The following CNGA1 variants were observed in gnomAD, a reference collection of about 807,000 sequenced individuals.
CNGA1 encodes cyclic nucleotide-gated channel alpha-1.
CNGA1 carries 53 observed loss-of-function variants against 69.7 expected under a neutral mutation model. The ratio of observed to expected loss-of-function variants is 0.76; its 90% CI spans 0.61 to 0.96. CNGA1 has a LOEUF of 0.96. Ranked by LOEUF, CNGA1 falls within the 40% of genes least tolerant of loss-of-function variation. The pLI, the probability that CNGA1 is intolerant of heterozygous loss-of-function variation, is 0.00. For synonymous variants in CNGA1, 249 were observed against 283.5 expected (o/e 0.88, Z 1.22); for missense variants, 739 against 811.2 (o/e 0.91, Z 1.08).
chr4:47,971,152 ATG>A (rs1257814115), intron 3 of CNGA1: 1 of 441,934 alleles, frequency 2.3e-6, no homozygotes. Flanking sequence ...ATACATATAT[ATG>A]TAAATATCTA....
At chr4:47,989,098 T>C (rs759316780) in intron 2 of CNGA1, among the ~76,000 whole-genome samples, 1 of 152,184 alleles carries the variant, frequency 6.6e-6, no homozygotes, top group Non-Finnish European at 1.5e-5. Context: ...TAGACAAACT[T>C]TGGTTAAAAT....
intron 3 of CNGA1, among the ~76,000 whole-genome samples, chr4:47,969,666 C>A (rs1031328806): frequency 2.0e-5 from 3 of 152,144 alleles, no homozygotes; most frequent in Non-Finnish European, 4.4e-5. Flanking sequence ...GACAGGGTTT[C>A]ACCGTGTTGG....
Position 47,936,525 on chromosome 4 carries a change from G to A in CNGA1, c.1957C>T (p.Gln653Ter), listed in dbSNP as rs770967964. 2.3e-5 allele frequency: 37 copies of A among 1,613,996 alleles called. No individual in the cohort carries two copies. Among genetic ancestry groups the A allele is most frequent in the Non-Finnish European group, 3.0e-5 (35 of 1,180,000 alleles). ...AATTTCTCAACCTTGGTTAATCTTT[G>A]TTTCAGTTTCTGCTGCATGGACTCA... The part of the protein sequence containing the change: ...EYESMQQKLK[Q>*]RLTKVEKFLK... Residue 653 changes from glutamine to a stop codon, truncating the protein, a stop_gained, in exon 11 of 11, where the codon CAA (glutamine) becomes TAA (stop). Transcript: ENST00000514170. LOFTEE classifies it high-confidence loss of function.
intron 3 of CNGA1, among the ~76,000 whole-genome samples, chr4:47,971,763 A>G (rs1324031784): frequency 1.3e-5 from 2 of 152,118 alleles, no homozygotes; most frequent in African/African-American, 4.8e-5. Context: ...GCATGGTGGC[A>G]TGCGCCTGTA....
At chr4:47,995,720 TG>T (rs1355859955) in intron 2 of CNGA1, among the ~76,000 whole-genome samples, 8 of 152,214 alleles carry the variant, frequency 5.3e-5, no homozygotes, top group Admixed American at 2.0e-4. Context: ...TAAAGAACAT[TG>T]TTTTTTTATA....
chr4:47,975,860 T>C (rs1741321358), intron 3 of CNGA1, among the ~76,000 whole-genome samples: 1 of 152,006 alleles, frequency 6.6e-6, no homozygotes, highest in African/African-American at 2.4e-5. Context: ...TGTGTTATCC[T>C]TCCCACTTCT....
chr4:47,987,494 A>G (rs772438765), intron 2 of CNGA1, among the ~76,000 whole-genome samples: 35 of 152,164 alleles, frequency 2.3e-4, no homozygotes, highest in Non-Finnish European at 1.5e-4. Flanking sequence ...TTACTTGTCC[A>G]TTACCGTATC....
At chr4:47,998,441 T>C (rs114597664) in intron 2 of CNGA1, among the ~76,000 whole-genome samples, 2,076 of 152,312 alleles carry the variant, frequency 0.014, 28 homozygotes, top group Non-Finnish European at 0.019. Context: ...AGTTACTACC[T>C]GTAGACTGGA....
chr4:47,971,195 TG>T, intron 3 of CNGA1: 1 of 369,632 alleles, frequency 2.7e-6, no homozygotes, highest in South Asian at 2.1e-5. Context: ...TGTGTGTGTG[TG>T]TGCTGTGCGT....
At chr4:47,973,066 C>CTT (rs3058684) in intron 3 of CNGA1, among the ~76,000 whole-genome samples, 36,470 of 120,158 alleles carry the variant, frequency 0.3, 7,693 homozygotes, top group East Asian at 0.63. Flanking sequence ...AAAGCACCAT[C>CTT]TTTTTTTTTT....
At chr4:47,943,549 G>A in intron 6 of CNGA1, 137 bp from the exon 7 acceptor site, 1 of 544,656 alleles carries the variant, frequency 1.8e-6, no homozygotes. Flanking sequence ...GTCTCTTACT[G>A]GAGGTTTCTA....
At chr4:47,941,884 G>T (rs2110139000) in intron 9 of CNGA1, among the ~76,000 whole-genome samples, 157 bp downstream of exon 9, 1 of 152,100 alleles carries the variant, frequency 6.6e-6, no homozygotes, top group East Asian at 1.9e-4. Flanking sequence ...CTGATCCCAG[G>T]AAAACACACT....
intron 2 of CNGA1, among the ~76,000 whole-genome samples, chr4:47,998,556 T>C (rs1411004901): frequency 2.0e-5 from 3 of 152,024 alleles, no homozygotes; most frequent in Non-Finnish European, 4.4e-5. Flanking sequence ...GGGCAGATCA[T>C]TTGAGGTCAA....
chr4:47,949,815 T>C lies in CNGA1; in HGVS notation c.287+18A>G. On this transcript the variant is annotated intron_variant, in intron 6 of 10. Transcript: ENST00000514170. Reference sequence around the variant, plus strand: ...CTTTAAAACCAAAACTTTGGTTTTCTATTGTAAATATACTTACTGGTCCTT... The same window carrying C: ...CTTTAAAACCAAAACTTTGGTTTTCCATTGTAAATATACTTACTGGTCCTT... 1 of 1,608,326 alleles carries C rather than the reference T, an allele frequency of 6.2e-7. No homozygotes were observed. Among genetic ancestry groups the C allele is most frequent in the South Asian group, 1.1e-5 (1 of 90,638 alleles).
chr4:47,942,143 T>A lies in CNGA1; in HGVS notation c.443A>T (p.Lys148Met), dbSNP rs762758257. Residue 148 changes from lysine to methionine, a missense_variant, in exon 9 of 11, where the codon AAG becomes ATG. Lys to Met is a moderately conservative substitution (Grantham distance 95). Transcript: ENST00000514170. ...EKSKDKKEEE[K>M]KEVVVIDPSG... ...GGGATCAATAACCACAACTTCTTTC[T>A]TCTCCCTAGCGGCAATTAGAAATAA... is the stretch of plus-strand genomic sequence containing the variant. The A allele has an allele frequency of 6.2e-7, 1 of 1,606,158 alleles. No individual in the cohort carries two copies. The highest frequency in any genetic ancestry group is 1.7e-5 in the Admixed American group (1 of 60,010).
rs1741039722 is a variant in CNGA1, at chr4:47,971,573, A to G, written c.-15+9820T>C. On this transcript the variant is annotated intron_variant, in intron 3 of 10. Coordinates refer to ENST00000514170, the MANE Select transcript of CNGA1 (RefSeq NM_001379270.1). ...AGTCCTTTTATGGCATGTGAAAAAA[A>G]TAAAACTTTATATTTAAAGTTCTTT... is the stretch of plus-strand genomic sequence containing the variant. Among the ~76,000 whole-genome samples the G allele has an allele frequency of 2.0e-5, 3 of 152,154 alleles. No individual in the cohort carries two copies. The South Asian group carries it at 6.2e-4, about 31-fold the overall frequency.
At chr4:47,939,007 GAA>G (rs1032766055) in intron 10 of CNGA1, among the ~76,000 whole-genome samples, 1 of 149,794 alleles carries the variant, frequency 6.7e-6, no homozygotes, top group Non-Finnish European at 1.5e-5. Context: ...AAGAAAGAAA[GAA>G]AGAGAAAGAA....
At chr4:47,938,313 AG>A (rs1223163013) in intron 10 of CNGA1, among the ~76,000 whole-genome samples, 3 of 52,644 alleles carry the variant, frequency 5.7e-5, no homozygotes, top group Non-Finnish European at 8.0e-5. Flanking sequence ...TGATATTGTG[AG>A]ATATATATAT....
chr4:47,965,527 A>T (rs1740675535), intron 3 of CNGA1, among the ~76,000 whole-genome samples: 1 of 151,780 alleles, frequency 6.6e-6, no homozygotes, highest in Non-Finnish European at 1.5e-5. Flanking sequence ...TCTTGGTTCA[A>T]GTGATTCTCC....
Sources: gnomAD v4.1 joint callset for allele counts (sites outside exome capture counted in the v4.1 genomes callset) on GRCh38, gnomAD v4.1.1 for gene constraint, MANE v1.5 for transcripts, NCBI Gene and HGNC (gene_info 2026-07-23, HGNC 2026-07-21) for gene names.